The following TRIM44 variants were observed in gnomAD, a reference collection of about 807,000 sequenced individuals.
TRIM44 encodes tripartite motif-containing protein 44.
In TRIM44, 13 loss-of-function variants were observed where a neutral mutation model predicts 37.4. That is an observed-to-expected ratio of 0.35 (90% CI 0.23 to 0.55). TRIM44 has a LOEUF of 0.55. Among genes scored for constraint, TRIM44 ranks in the 20% least tolerant of loss-of-function variants. TRIM44 has a pLI of 0.89. For synonymous variants in TRIM44, 175 were observed against 157.2 expected, an observed-to-expected ratio of 1.11 and a Z score of -0.85; for missense variants, 426 against 437.2, an observed-to-expected ratio of 0.97 and a Z score of 0.23.
chr11:35,728,705 A>G (rs1852217010), intron 3 of TRIM44, among the ~76,000 whole-genome samples: 1 of 152,174 alleles, frequency 6.6e-6, no homozygotes, highest in African/African-American at 2.4e-5. Flanking sequence ...TGCATTTTGA[A>G]TTCAGCCATA....
At chr11:35,787,314 A>T (rs1206700821) in intron 4 of TRIM44, among the ~76,000 whole-genome samples, 1 of 152,240 alleles carries the variant, frequency 6.6e-6, no homozygotes, top group African/African-American at 2.4e-5. Flanking sequence ...TTAAACAACC[A>T]TATTCTTAAA....
chr11:35,708,991 CCA>C (rs1491238727), intron 2 of TRIM44, among the ~76,000 whole-genome samples: 24 of 149,552 alleles, frequency 1.6e-4, no homozygotes, highest in Admixed American at 5.3e-4. Context: ...TGCCCCCCCC[CCA>C]AAAAAAAAGA....
chr11:35,674,556 T>C (rs1414608691), intron 1 of TRIM44, among the ~76,000 whole-genome samples: 2 of 152,238 alleles, frequency 1.3e-5, no homozygotes, highest in African/African-American at 4.8e-5. Context: ...AGTTAGTTTT[T>C]GGTAAGGTAA....
At chr11:35,686,697 C>G (rs908264203) in intron 2 of TRIM44, among the ~76,000 whole-genome samples, 1 of 152,140 alleles carries the variant, frequency 6.6e-6, no homozygotes, top group Non-Finnish European at 1.5e-5. Context: ...GCTGAGACTA[C>G]AGGCACATGC....
chr11:35,706,273 G>A (rs922567841), intron 2 of TRIM44, among the ~76,000 whole-genome samples: 1 of 149,958 alleles, frequency 6.7e-6, no homozygotes, highest in Admixed American at 6.6e-5. Context: ...ACAATCAATA[G>A]CTTACCAACC....
intron 1 of TRIM44, among the ~76,000 whole-genome samples, chr11:35,674,782 G>A (rs370420224): frequency 1.3e-5 from 2 of 152,320 alleles, no homozygotes; most frequent in African/African-American, 4.8e-5. Flanking sequence ...GAAGCTTACA[G>A]CCTAATAGGA....
At chr11:35,761,008 C>T (rs1852717939) in intron 4 of TRIM44, among the ~76,000 whole-genome samples, 1 of 152,136 alleles carries the variant, frequency 6.6e-6, no homozygotes, top group South Asian at 2.1e-4. Context: ...GTAAGATCAA[C>T]TTTTTTAGAT....
chr11:35,691,088 A>C (rs1249201463), intron 2 of TRIM44, among the ~76,000 whole-genome samples: 1 of 152,148 alleles, frequency 6.6e-6, no homozygotes, highest in African/African-American at 2.4e-5. Flanking sequence ...AGGACTGGAG[A>C]ATGGCCTTTT....
At chr11:35,696,176 C>A (rs1436966018) in intron 2 of TRIM44, among the ~76,000 whole-genome samples, 2 of 145,440 alleles carry the variant, frequency 1.4e-5, no homozygotes, top group African/African-American at 5.2e-5. Context: ...TCTCGAGATG[C>A]TCTGTCGCCC....
intron 4 of TRIM44, among the ~76,000 whole-genome samples, chr11:35,756,745 C>T (rs1270391256): frequency 6.6e-6 from 1 of 152,150 alleles, no homozygotes; most frequent in Non-Finnish European, 1.5e-5. Flanking sequence ...AAGGCCTTTT[C>T]TGCATCTATT....
chr11:35,795,272 A>G (rs558743156), intron 4 of TRIM44, among the ~76,000 whole-genome samples: 47 of 152,252 alleles, frequency 3.1e-4, no homozygotes, highest in South Asian at 4.1e-4. Flanking sequence ...GGATTTTTAA[A>G]TGGGGTACTG....
chr11:35,765,817 C>T (rs1462425393), intron 4 of TRIM44, among the ~76,000 whole-genome samples: 12 of 152,138 alleles, frequency 7.9e-5, no homozygotes, highest in African/African-American at 2.7e-4. Context: ...AATTTAGTTT[C>T]TTTTTAACCA....
intron 4 of TRIM44, among the ~76,000 whole-genome samples, chr11:35,745,337 C>T (rs1030263197): frequency 3.3e-5 from 5 of 152,054 alleles, no homozygotes; most frequent in Admixed American, 1.3e-4. Context: ...TGGAGAAGGG[C>T]GTATTCATGC....
At chr11:35,723,271 A>G (rs781213699) in intron 2 of TRIM44, among the ~76,000 whole-genome samples, 1 of 152,200 alleles carries the variant, frequency 6.6e-6, no homozygotes, top group African/African-American at 2.4e-5. Flanking sequence ...TAAAATTAGA[A>G]GGTTAGATTC....
chr11:35,715,958 C>T (rs1008796628), intron 2 of TRIM44, among the ~76,000 whole-genome samples: 18 of 152,146 alleles, frequency 1.2e-4, no homozygotes, highest in African/African-American at 4.3e-4. Flanking sequence ...GAGAACTCCA[C>T]CCTTATGATC....
chr11:35,665,611 T>TTTTTTTTTTTTTTTTTTTTTTTTTTTG, intron 1 of TRIM44, among the ~76,000 whole-genome samples: 1 of 124,068 alleles, frequency 8.1e-6, no homozygotes. Context: ...TTTTTTTTTT[T>TTTTTTTTTTTTTTTTTTTTTTTTTTTG]TGAGATAGAG....
At chr11:35,770,759 G>A (rs1184124505) in intron 4 of TRIM44, among the ~76,000 whole-genome samples, 1 of 152,108 alleles carries the variant, frequency 6.6e-6, no homozygotes, top group African/African-American at 2.4e-5. Flanking sequence ...ACCATGTGTT[G>A]TAGGAGGGAC....
chr11:35,695,285 G>A (rs1402344168), intron 2 of TRIM44, among the ~76,000 whole-genome samples: 3 of 152,104 alleles, frequency 2.0e-5, no homozygotes, highest in African/African-American at 7.2e-5. Context: ...ATGTCCTCTT[G>A]AATACCAGTA....
Position 35,778,314 on chromosome 11 carries a change from T to C in TRIM44, c.1008-28044T>C, listed in dbSNP as rs192957284. 5.9e-5 allele frequency among the ~76,000 whole-genome samples: 9 copies of C among 152,308 alleles called. No individual in the cohort carries two copies. In the East Asian group the frequency reaches 1.7e-3, roughly 29 times the overall value. ...CGTGGTTTTCAGCTCCATCAGGTCA[T>C]TTAAGGTGTTCTCTACACTATTTAT... On this transcript the variant is annotated intron_variant, in intron 4 of 4. Coordinates refer to ENST00000299413, the MANE Select transcript of TRIM44 (RefSeq NM_017583.6).
Sources: allele counts gnomAD v4.1 joint callset (sites outside exome capture counted in the v4.1 genomes callset), GRCh38; gene constraint gnomAD v4.1.1; transcripts MANE v1.5; gene names NCBI Gene and HGNC (gene_info 2026-07-23, HGNC 2026-07-21).